The following TCF12 variants were observed in gnomAD, a reference collection of about 807,000 sequenced individuals.
TCF12 encodes DNA-binding protein HTF4.
TCF12 carries 45 observed loss-of-function variants against 86.0 expected under a neutral mutation model. The observed-to-expected ratio is 0.52, with a 90% CI of 0.41 to 0.67. The LOEUF (loss-of-function observed/expected upper bound fraction) is 0.67. Ranked by LOEUF, TCF12 falls within the 30% of genes least tolerant of loss-of-function variation. The pLI is 0.00. For missense variants in TCF12, 881 were observed against 859.9 expected (o/e 1.02, Z -0.31); for synonymous variants, 330 against 299.6 (o/e 1.10, Z -1.05).
intron 5 of TCF12, among the ~76,000 whole-genome samples, chr15:57,105,350 G>A (rs1235058583): frequency 6.6e-6 from 1 of 152,158 alleles, no homozygotes; most frequent in Admixed American, 6.5e-5. Context: ...GAGGGAACAT[G>A]TCTTTAAACC....
chr15:57,060,811 C>T (rs2068406443), intron 3 of TCF12, among the ~76,000 whole-genome samples: 1 of 152,068 alleles, frequency 6.6e-6, no homozygotes, highest in Non-Finnish European at 1.5e-5. Context: ...TGTGTAATTT[C>T]CTTTTTCTGC....
At chr15:57,243,667 ATAAG>A in intron 13 of TCF12, 117 bp downstream of exon 13, 1 of 855,698 alleles carries the variant, frequency 1.2e-6, no homozygotes, top group Non-Finnish European at 1.8e-6. Flanking sequence ...GATTTTGACT[ATAAG>A]AAAGTGTGTA....
At chr15:57,024,722 C>T (rs1306904077) in intron 3 of TCF12, among the ~76,000 whole-genome samples, 1 of 152,082 alleles carries the variant, frequency 6.6e-6, no homozygotes, top group Admixed American at 6.6e-5. Flanking sequence ...AGAATAGTGC[C>T]AATCAGTAAT....
intron 13 of TCF12, among the ~76,000 whole-genome samples, chr15:57,246,276 A>C (rs2593236): frequency 0.2 from 29,931 of 152,122 alleles, 3,326 homozygotes; most frequent in Non-Finnish European, 0.25. Flanking sequence ...TTAAATCCCC[A>C]GTGTTTTCCT....
chr15:56,958,488 TA>T (rs1188561157), intron 3 of TCF12, among the ~76,000 whole-genome samples: 1 of 152,142 alleles, frequency 6.6e-6, no homozygotes, highest in African/African-American at 2.4e-5. Flanking sequence ...TTAAATTAGT[TA>T]AAAAAATGCA....
chr15:57,289,969 AAC>A (rs2062048465), downstream of TCF12: 1 of 152,116 alleles, frequency 6.6e-6, no homozygotes, highest in Admixed American at 6.6e-5. Context: ...CATCCAATGA[AAC>A]ACTGCATTTC....
chr15:57,168,761 G>A (rs1478596552), intron 6 of TCF12, among the ~76,000 whole-genome samples: 1 of 152,046 alleles, frequency 6.6e-6, no homozygotes, highest in Non-Finnish European at 1.5e-5. Context: ...ACTAAGTTGT[G>A]GCCAGGCGCG....
chr15:56,952,982 G>C (rs1473552265), intron 3 of TCF12, among the ~76,000 whole-genome samples: 1 of 151,958 alleles, frequency 6.6e-6, no homozygotes, highest in Non-Finnish European at 1.5e-5. Flanking sequence ...TTAGTTGTAG[G>C]CTTTTTTTTA....
intron 6 of TCF12, among the ~76,000 whole-genome samples, chr15:57,187,664 G>A (rs1686824852): frequency 6.6e-6 from 1 of 152,150 alleles, no homozygotes; most frequent in South Asian, 2.1e-4. Flanking sequence ...GGGCATGGTG[G>A]CTCATGCCTG....
intron 5 of TCF12, among the ~76,000 whole-genome samples, chr15:57,110,885 A>T (rs1231051297): frequency 6.6e-6 from 1 of 152,214 alleles, no homozygotes; most frequent in Non-Finnish European, 1.5e-5. Context: ...ATTAATTATT[A>T]TGCAAAAAGG....
intron 3 of TCF12, among the ~76,000 whole-genome samples, chr15:57,061,733 CACTT>C (rs1324665111): frequency 9.8e-5 from 15 of 152,298 alleles, no homozygotes; most frequent in Non-Finnish European, 1.9e-4. Flanking sequence ...TCATCGAAAT[CACTT>C]ACCATTATAT....
chr15:56,969,957 G>C (rs2062206361), intron 3 of TCF12, among the ~76,000 whole-genome samples: 1 of 152,164 alleles, frequency 6.6e-6, no homozygotes, highest in South Asian at 2.1e-4. Flanking sequence ...ATTAATGGTG[G>C]CTGTGTGTGT....
At chr15:56,940,099 C>G (rs1320349149) in intron 3 of TCF12, among the ~76,000 whole-genome samples, 2 of 148,050 alleles carry the variant, frequency 1.4e-5, no homozygotes, top group East Asian at 2.0e-4. Context: ...TATGAGGACT[C>G]TAGGAAGCCA....
chr15:57,099,470 A>T, intron 5 of TCF12, among the ~76,000 whole-genome samples: 1 of 152,100 alleles, frequency 6.6e-6, no homozygotes, highest in East Asian at 1.9e-4. Flanking sequence ...AAATATTTCA[A>T]AAATTAAAAT....
chr15:56,959,799 T>C (rs1204175021), intron 3 of TCF12, among the ~76,000 whole-genome samples: 2 of 152,136 alleles, frequency 1.3e-5, no homozygotes, highest in Non-Finnish European at 2.9e-5. Flanking sequence ...AATAAAATTG[T>C]TTAGAAATTG....
intron 3 of TCF12, among the ~76,000 whole-genome samples, chr15:56,939,387 A>C (rs1258560721): frequency 6.6e-6 from 1 of 152,152 alleles, no homozygotes; most frequent in African/African-American, 2.4e-5. Context: ...ATAGCTGGTC[A>C]GCCTCCTGAG....
intron 3 of TCF12, among the ~76,000 whole-genome samples, chr15:56,931,530 C>T (rs1349446022): frequency 6.6e-6 from 1 of 152,120 alleles, no homozygotes; most frequent in Non-Finnish European, 1.5e-5. Flanking sequence ...AAATCCTAAT[C>T]ATCTTCAAGA....
intron 4 of TCF12, among the ~76,000 whole-genome samples, chr15:57,064,812 A>AAAAAAAAAAAAG (rs554263213): frequency 2.6e-4 from 32 of 123,418 alleles, no homozygotes; most frequent in Admixed American, 6.2e-4. Context: ...AAAAAAAAAA[A>AAAAAAAAAAAAG]AGAGAGAGAG....
intron 5 of TCF12, among the ~76,000 whole-genome samples, chr15:57,130,858 A>T (rs574604264): frequency 1.3e-5 from 2 of 152,340 alleles, no homozygotes; most frequent in East Asian, 3.9e-4. Context: ...TGTATTTTTC[A>T]TATCAGGAAA....
Sources: allele counts gnomAD v4.1 joint callset (sites outside exome capture counted in the v4.1 genomes callset), GRCh38; gene constraint gnomAD v4.1.1; transcripts MANE v1.5; gene names NCBI Gene and HGNC (gene_info 2026-07-23, HGNC 2026-07-21).